SH2D3C: variants seen among roughly 807,000 people sequenced by gnomAD.
SH2D3C encodes SH2 domain-containing protein 3C.
Under a neutral mutation model 75.2 loss-of-function variants are expected in SH2D3C, and 25 were observed. The observed-to-expected ratio is 0.33, with a 90% confidence interval of 0.24 to 0.46. SH2D3C has a LOEUF of 0.46. Ranked by LOEUF, SH2D3C falls within the 20% of genes least tolerant of loss-of-function variation. The pLI is 1.00. For missense variants in SH2D3C, 933 were observed against 1,165.3 expected (o/e 0.80, Z 2.90); for synonymous variants, 450 against 473.7 (o/e 0.95, Z 0.65).
intron 3 of SH2D3C, chr9:127,755,176 C>T (rs1845340127): frequency 2.2e-5 from 27 of 1,212,980 alleles, no homozygotes; most frequent in African/African-American, 1.3e-4. Context: ...GCCAGGCTGC[C>T]GGGGCCGGGA....
chr9:127,764,800 C>G (rs575302562), intron 2 of SH2D3C, among the ~76,000 whole-genome samples: 2 of 152,248 alleles, frequency 1.3e-5, no homozygotes, highest in East Asian at 3.9e-4. Context: ...CTCCGCCTCC[C>G]GTGTCCAAGC....
intron 3 of SH2D3C, among the ~76,000 whole-genome samples, chr9:127,753,543 A>C (rs1355032141): frequency 6.6e-6 from 1 of 152,124 alleles, no homozygotes; most frequent in Non-Finnish European, 1.5e-5. Flanking sequence ...CCGTGGTAGA[A>C]ACCGATGCCC....
intron 2 of SH2D3C, chr9:127,766,836 C>T (rs1241605114): frequency 1.6e-6 from 2 of 1,235,174 alleles, no homozygotes. Flanking sequence ...TCCCAAAGTG[C>T]TGGGGTTACA....
Position 127,738,962 on chromosome 9 carries a change from T to C in SH2D3C, c.2408-41A>G, listed in dbSNP as rs1437507857. 1 of 1,489,954 alleles carries C rather than the reference T, an allele frequency of 6.7e-7. No homozygotes were observed. Among genetic ancestry groups the C allele is most frequent in the Non-Finnish European group, 9.0e-7 (1 of 1,112,348 alleles). The allele number at this position is 1,489,954 out of a possible 1,614,324, so 92.3% of individuals were successfully genotyped here. ...ATAGGGTCAGGGCAGAGGCTGGGGT[T>C]CCTGTCCAGAGCCCTAGCATTCTTC... On this transcript the variant is annotated intron_variant, in intron 11 of 11. Coordinates refer to ENST00000314830, the MANE Select transcript of SH2D3C (RefSeq NM_170600.3). This position sits in a 1 kb window ranked among gnomAD's most constrained non-coding sequence, Gnocchi z 5.0.
chr9:127,750,140 TTTATTATTATTATTATTG>T (rs1300280811), intron 4 of SH2D3C, among the ~76,000 whole-genome samples: 2 of 150,432 alleles, frequency 1.3e-5, no homozygotes, highest in East Asian at 1.9e-4. Flanking sequence ...GATGAACTTC[TTTATTATTATTATTATTG>T]TTATTATTAT....
At chr9:127,761,736 A>T in intron 2 of SH2D3C, 86 bp from the exon 3 acceptor site, 2 of 1,164,560 alleles carry the variant, frequency 1.7e-6, no homozygotes, top group Non-Finnish European at 2.5e-6. Context: ...TGGGGCCAGC[A>T]CCTGGCCCTT....
At chr9:127,769,658 A>G (rs768492529) in intron 2 of SH2D3C, among the ~76,000 whole-genome samples, 7 of 114,016 alleles carry the variant, frequency 6.1e-5, no homozygotes, top group Non-Finnish European at 1.6e-5. Flanking sequence ...CTCCATCTCG[A>G]AAAAAAAAAA....
intron 3 of SH2D3C, chr9:127,755,297 G>T: frequency 1.8e-6 from 2 of 1,116,472 alleles, no homozygotes; most frequent in Non-Finnish European, 2.2e-6. Context: ...TGTCGGGGGA[G>T]GAGCGGGGAG....
chr9:127,762,195 C>A (rs969224118), intron 2 of SH2D3C: 2 of 1,192,244 alleles, frequency 1.7e-6, no homozygotes, highest in Non-Finnish European at 2.1e-6. Context: ...ACTGCCGGTG[C>A]TAGAGGGCTA....
intron 5 of SH2D3C, among the ~76,000 whole-genome samples, chr9:127,748,842 G>A (rs1184366472): frequency 6.6e-6 from 1 of 152,230 alleles, no homozygotes; most frequent in East Asian, 1.9e-4. Flanking sequence ...GGATGAGGAG[G>A]GGTGGCATCA....
intron 1 of SH2D3C, among the ~76,000 whole-genome samples, chr9:127,775,037 G>A (rs1588528324): frequency 6.6e-6 from 1 of 152,058 alleles, no homozygotes; most frequent in South Asian, 2.1e-4. Context: ...GCAGTGAGCC[G>A]AGACTGCACC....
rs536340413 is a variant in SH2D3C at position 127,762,314 on chromosome 9, G to A, written c.516-664C>T. The stretch of plus-strand genomic sequence containing the variant: ...GCCACCGTGAACCACTCCCCCCACC[G>A]CATGGCCTTAAATGCTACCCCTACC... On this transcript the variant is annotated intron_variant, in intron 2 of 11. Coordinates refer to ENST00000314830, the MANE Select transcript of SH2D3C (RefSeq NM_170600.3). 52 of 1,273,326 alleles carry A rather than the reference G, an allele frequency of 4.1e-5. No homozygotes were observed. In the Admixed American group the frequency reaches 8.0e-4, roughly 20 times the overall value. 78.9% of individuals were successfully genotyped at this position (1,273,326 alleles called of 1,614,324 possible).
In SH2D3C at chr9:127,739,624, A is replaced by T; in HGVS notation, c.2407+58T>A. 4 of 1,472,028 alleles carry T rather than the reference A, an allele frequency of 2.7e-6. No individual in the cohort carries two copies. The South Asian group carries it at 5.0e-5, about 18-fold the overall frequency. The allele number at this position is 1,472,028 out of a possible 1,614,324, so 91.2% of individuals were successfully genotyped here. A position where few individuals can be genotyped will look rare whatever the true frequency, so the allele number is the denominator to read the frequency against. ...TGCCTTGGAGAAAAGGGAAGCAGTG[A>T]GGCAGGTGGAGGGAGGCCCAGGCCT... On this transcript the variant is annotated intron_variant, in intron 11 of 11. Transcript: ENST00000314830. This position sits in a 1 kb window ranked among gnomAD's most constrained non-coding sequence, Gnocchi z 4.3.
At chr9:127,769,340 G>C (rs1845690418) in intron 2 of SH2D3C, among the ~76,000 whole-genome samples, 1 of 152,214 alleles carries the variant, frequency 6.6e-6, no homozygotes, top group Admixed American at 6.5e-5. Flanking sequence ...GAAGTCATTT[G>C]AAATAATGGT....
intron 3 of SH2D3C, among the ~76,000 whole-genome samples, chr9:127,757,833 A>AT (rs1159507942): frequency 6.6e-6 from 1 of 151,126 alleles, no homozygotes; most frequent in Non-Finnish European, 1.5e-5. Flanking sequence ...TTTTTATATC[A>AT]TTTTTTTAGT....
At chr9:127,777,379 G>A (rs990987208) in intron 1 of SH2D3C, among the ~76,000 whole-genome samples, 1 of 151,982 alleles carries the variant, frequency 6.6e-6, no homozygotes, top group African/African-American at 2.4e-5. Flanking sequence ...CTGCTGTTGG[G>A]AATGTGAGAC....
chr9:127,740,439 A>C, intron 9 of SH2D3C, 70 bp from the exon 10 acceptor site: 2 of 1,037,662 alleles, frequency 1.9e-6, no homozygotes, highest in Non-Finnish European at 3.0e-6. Flanking sequence ...TGCCCTGCTG[A>C]GTGGACACCC....
intron 2 of SH2D3C, chr9:127,771,377 G>A (rs1845736686): frequency 3.0e-6 from 4 of 1,335,988 alleles, no homozygotes; most frequent in Non-Finnish European, 3.8e-6. Context: ...ACGCCCCTGC[G>A]CTCCTTGCCC....
intron 2 of SH2D3C, among the ~76,000 whole-genome samples, chr9:127,767,596 G>A (rs1434656551): frequency 6.6e-6 from 1 of 152,234 alleles, no homozygotes; most frequent in Non-Finnish European, 1.5e-5. Context: ...GAAATGGGGT[G>A]GAGCCTGAGA....
Sources: allele counts gnomAD v4.1 joint callset (sites outside exome capture counted in the v4.1 genomes callset), GRCh38; gene constraint gnomAD v4.1.1; non-coding constraint Gnocchi (gnomAD v3.1); transcripts MANE v1.5; gene names NCBI Gene and HGNC (gene_info 2026-07-23, HGNC 2026-07-21).